The following BAG4 variants were observed in gnomAD, a reference collection of about 807,000 sequenced individuals.
BAG4 encodes BAG cochaperone 4.
A neutral mutation model predicts 52.1 loss-of-function variants in BAG4; 28 were observed. That is an observed-to-expected ratio of 0.54 (90% CI 0.40 to 0.74). BAG4 has a LOEUF of 0.74. BAG4 is among the 30% of genes least tolerant of loss of function. The pLI is 0.00. For missense variants in BAG4, 525 were observed against 572.0 expected (o/e 0.92, Z 0.84); for synonymous variants, 208 against 217.0 (o/e 0.96, Z 0.37).
At chr8:38,190,896 T>C (rs1358483097) in intron 1 of BAG4, among the ~76,000 whole-genome samples, 6 of 152,002 alleles carry the variant, frequency 3.9e-5, no homozygotes, top group Non-Finnish European at 8.8e-5. Flanking sequence ...TAGCTGAGAT[T>C]ACAGGCACCC....
At chr8:38,194,807 TA>T (rs1161780820) in intron 2 of BAG4, among the ~76,000 whole-genome samples, 4 of 151,722 alleles carry the variant, frequency 2.6e-5, no homozygotes, top group Admixed American at 6.6e-5. Context: ...ATTTCCATTA[TA>T]TTTTTTTATC....
chr8:38,188,663 GTATACATATACATGTATACA>G (rs1803413935), intron 1 of BAG4, among the ~76,000 whole-genome samples: 17 of 1,322 alleles, frequency 0.013, no homozygotes, highest in Non-Finnish European at 0.033. Flanking sequence ...ATATATACAT[GTATACATATACATGTATACA>G]TATATACATG....
rs1333407649 is a variant in BAG4 at position 38,198,588 on chromosome 8, AAG to A, written c.378+5794_378+5795del. ...ACTGCGACCTCCGCCTCCCAGGTTC[AAG>A]CAATTCTCCTGCCTCAGCCTCCTGA... On this transcript the variant is annotated intron_variant, in intron 2 of 4. Transcript: ENST00000287322. 2.8e-4 allele frequency among the ~76,000 whole-genome samples: 41 copies of A among 148,820 alleles called. No homozygotes were observed. The South Asian group carries it at 8.4e-3, about 31-fold the overall frequency.
rs1421377622 is a variant in BAG4 at position 38,212,661 on chromosome 8, A to C, written c.*2168A>C. 2 of 152,122 alleles carry C rather than the reference A, an allele frequency of 1.3e-5. No homozygotes were observed. Among genetic ancestry groups the C allele is most frequent in the Non-Finnish European group, 2.9e-5 (2 of 68,024 alleles). The allele number at this position is 152,122 out of a possible 1,614,324, so 9.4% of individuals were successfully genotyped here. On this transcript the variant is annotated 3_prime_UTR_variant, in exon 5 of 5. Coordinates refer to ENST00000287322, the MANE Select transcript of BAG4 (RefSeq NM_004874.4). ...CTGTGACAGTGTATCATAACAGGGG[A>C]TACCTGATGTTGTAATGTATTTCTG...
At chr8:38,200,036 T>C (rs1452530878) in intron 2 of BAG4, among the ~76,000 whole-genome samples, 1 of 150,356 alleles carries the variant, frequency 6.7e-6, no homozygotes, top group African/African-American at 2.4e-5. Context: ...AACAGAGTCT[T>C]GTTCTGTCGC....
At chr8:38,208,285 T>C (rs1012694162) in intron 3 of BAG4, among the ~76,000 whole-genome samples, 3 of 149,050 alleles carry the variant, frequency 2.0e-5, no homozygotes, top group Non-Finnish European at 3.0e-5. Flanking sequence ...AATCTTAGCC[T>C]TTTTTAGCAC....
At chr8:38,200,296 C>T (rs900070160) in intron 2 of BAG4, among the ~76,000 whole-genome samples, 6 of 152,090 alleles carry the variant, frequency 3.9e-5, no homozygotes, top group African/African-American at 4.8e-5. Flanking sequence ...CATGAGCCAC[C>T]GTGCCCAGCC....
intron 2 of BAG4, among the ~76,000 whole-genome samples, chr8:38,198,706 C>G (rs1373464333): frequency 6.6e-6 from 1 of 151,928 alleles, no homozygotes; most frequent in Non-Finnish European, 1.5e-5. Flanking sequence ...CCAGGATGGT[C>G]TCGATCTCCC....
In BAG4 at chr8:38,207,716, A is replaced by G; in HGVS notation, c.583A>G (p.Thr195Ala). The G allele has an allele frequency of 6.2e-7, 1 of 1,614,132 alleles. No homozygotes were observed. The highest frequency in any genetic ancestry group is 8.5e-7 in the Non-Finnish European group (1 of 1,180,016). The stretch of plus-strand genomic sequence containing the variant: ...GATCTATCCCCAGCAGGACTGTCAG[A>G]CTGAAGCACCCCCTCTTAGGGGGCA... ...RWIYPQQDCQ[T>A]EAPPLRGQVP... The change falls in exon 3 of 5, where the codon ACT (threonine) becomes GCT (alanine). Residue 195 changes from threonine (T) to alanine (A), a missense_variant. Thr to Ala is a moderately conservative substitution (Grantham distance 58). Coordinates refer to ENST00000287322, the MANE Select transcript of BAG4 (RefSeq NM_004874.4).
chr8:38,201,870 ATATATATATATTTTTTTTTTT>A (rs1803678573), intron 2 of BAG4: 3 of 5,598 alleles, frequency 5.4e-4, no homozygotes, highest in Admixed American at 3.4e-3. Context: ...ATATATATAT[ATATATATATATTTTTTTTTTT>A]TTTTTTTTTT....
rs994963789 is a variant in BAG4, at chr8:38,198,155, C to T, written c.378+5360C>T. On this transcript the variant is annotated intron_variant, in intron 2 of 4. Coordinates refer to ENST00000287322, the MANE Select transcript of BAG4 (RefSeq NM_004874.4). ...ATCCTAGCAATTTGGGAGGCCAAGG[C>T]GGGCAGATCACGAGGTCAGGAAATC... 5.9e-5 allele frequency among the ~76,000 whole-genome samples: 9 copies of T among 151,882 alleles called. No homozygotes were observed. In the East Asian group the frequency reaches 7.8e-4, roughly 13 times the overall value.
chr8:38,188,789 T>A (rs1394942068), intron 1 of BAG4, among the ~76,000 whole-genome samples: 1 of 151,670 alleles, frequency 6.6e-6, no homozygotes, highest in Non-Finnish European at 1.5e-5. Flanking sequence ...ATTTACTTTT[T>A]ATTTATTTAT....
At chr8:38,201,862 ATATATATATATATATATATTTTTTT>A (rs1803674111) in intron 2 of BAG4, 3 of 6,248 alleles carry the variant, frequency 4.8e-4, no homozygotes, top group Admixed American at 2.1e-3. Flanking sequence ...ATATATATAT[ATATATATATATATATATATTTTTTT>A]TTTTTTTTTT....
intron 2 of BAG4, among the ~76,000 whole-genome samples, chr8:38,203,569 C>T (rs1803719677): frequency 6.6e-6 from 1 of 152,114 alleles, no homozygotes; most frequent in Non-Finnish European, 1.5e-5. Context: ...AGGTGTGAGC[C>T]ACCGTGCCTG....
chr8:38,180,940 TA>T (rs141625886), intron 1 of BAG4, among the ~76,000 whole-genome samples: 4 of 142,742 alleles, frequency 2.8e-5, no homozygotes, highest in Non-Finnish European at 6.2e-5. Flanking sequence ...AATCTATCAC[TA>T]TTTTTTTTTT....
intron 1 of BAG4, among the ~76,000 whole-genome samples, chr8:38,180,548 A>T (rs1003925640): frequency 6.6e-6 from 1 of 150,544 alleles, no homozygotes; most frequent in Non-Finnish European, 1.5e-5. Flanking sequence ...AAAAAAAAAA[A>T]GATATGCATG....
intron 2 of BAG4, among the ~76,000 whole-genome samples, chr8:38,198,423 A>C (rs950388352): frequency 1.4e-5 from 2 of 145,888 alleles, no homozygotes; most frequent in African/African-American, 5.0e-5. Context: ...TTTTTTTTTA[A>C]TTTCTTTATA....
chr8:38,201,849 TATATATATATATATA>T (rs1803668598), intron 2 of BAG4: 8 of 6,368 alleles, frequency 1.3e-3, no homozygotes, highest in Non-Finnish European at 3.2e-3. Flanking sequence ...TATATATATA[TATATATATATATATA>T]TATATATATA....
intron 1 of BAG4, among the ~76,000 whole-genome samples, chr8:38,184,914 C>T (rs1208712343): frequency 6.6e-6 from 1 of 152,080 alleles, no homozygotes; most frequent in East Asian, 1.9e-4. Context: ...CATGGTGAAA[C>T]CCTGTCTCTA....
Sources: allele counts gnomAD v4.1 joint callset (sites outside exome capture counted in the v4.1 genomes callset), GRCh38; gene constraint gnomAD v4.1.1; transcripts MANE v1.5; gene names NCBI Gene and HGNC (gene_info 2026-07-23, HGNC 2026-07-21).